Variants in LRRC7 observed in about 807,000 individuals in gnomAD.
LRRC7 encodes the protein leucine rich repeat containing 7.
In LRRC7, 23 loss-of-function variants were observed where a neutral mutation model predicts 175.7. That is an observed-to-expected ratio of 0.13 (90% CI 0.09 to 0.19). The LOEUF (loss-of-function observed/expected upper bound fraction) is 0.19, where lower values mean the gene tolerates loss of function less well. LRRC7 is among the 10% of genes least tolerant of loss of function. The probability of loss-of-function intolerance (pLI) is 1.00; values close to 1 mark genes in which losing one functional copy is unlikely to be tolerated. For synonymous variants in LRRC7, 685 were observed against 680.9 expected (o/e 1.01, Z -0.09); for missense variants, 1,354 against 1,904.7 (o/e 0.71, Z 5.38).
At chr1:69,731,556 C>T (rs1667583204) in intron 2 of LRRC7, among the ~76,000 whole-genome samples, 1 of 152,202 alleles carries the variant, frequency 6.6e-6, no homozygotes, top group African/African-American at 2.4e-5. Context: ...AGGAAATAAA[C>T]TGTTCCTAAC....
chr1:69,642,559 T>C (rs1189012399), intron 1 of LRRC7, among the ~76,000 whole-genome samples: 2 of 152,088 alleles, frequency 1.3e-5, no homozygotes, highest in Non-Finnish European at 2.9e-5. Flanking sequence ...TCTTTTCTTT[T>C]TCTTCTTGTT....
At chr1:69,897,207 A>G (rs1383488057) in intron 7 of LRRC7, among the ~76,000 whole-genome samples, 1 of 152,148 alleles carries the variant, frequency 6.6e-6, no homozygotes, top group African/African-American at 2.4e-5. Flanking sequence ...ACAGAACTCA[A>G]ATTTGATTCC....
intron 25 of LRRC7, among the ~76,000 whole-genome samples, chr1:70,103,533 G>C (rs538220782): frequency 6.6e-6 from 1 of 152,150 alleles, no homozygotes; most frequent in Non-Finnish European, 1.5e-5. Flanking sequence ...ACATAAGGCA[G>C]AGAAATGGAT....
chr1:69,571,822 G>T (rs2100877246), intron 1 of LRRC7, among the ~76,000 whole-genome samples: 1 of 152,164 alleles, frequency 6.6e-6, no homozygotes, highest in Non-Finnish European at 1.5e-5. Flanking sequence ...AATTATTGAT[G>T]AATTATCATC....
At chr1:70,098,816 G>A (rs1313601667) in intron 25 of LRRC7, among the ~76,000 whole-genome samples, 1 of 151,158 alleles carries the variant, frequency 6.6e-6, no homozygotes, top group Non-Finnish European at 1.5e-5. Flanking sequence ...ATCTGAAATT[G>A]TGGCAATAAT....
chr1:69,730,332 G>C (rs1271674787), intron 2 of LRRC7, among the ~76,000 whole-genome samples: 3 of 152,104 alleles, frequency 2.0e-5, no homozygotes, highest in Non-Finnish European at 2.9e-5. Flanking sequence ...GCGTTGTCAG[G>C]CTGCAAATTT....
intron 24 of LRRC7, among the ~76,000 whole-genome samples, chr1:70,081,442 T>C (rs1309082598): frequency 6.6e-6 from 1 of 152,234 alleles, no homozygotes; most frequent in African/African-American, 2.4e-5. Flanking sequence ...TATTCACTGA[T>C]TTAATTTAAT....
intron 3 of LRRC7, among the ~76,000 whole-genome samples, chr1:69,775,848 C>T (rs1672750766): frequency 6.6e-6 from 1 of 151,874 alleles, no homozygotes; most frequent in African/African-American, 2.4e-5. Flanking sequence ...TTTAAGAGAC[C>T]CTGGACTAGA....
At chr1:69,641,932 T>C (rs1250549587) in intron 1 of LRRC7, among the ~76,000 whole-genome samples, 1 of 151,812 alleles carries the variant, frequency 6.6e-6, no homozygotes, top group African/African-American at 2.4e-5. Context: ...GTAAAAAGTT[T>C]TAAGTTGAAT....
chr1:69,908,862 C>T (rs1570604801), intron 7 of LRRC7, among the ~76,000 whole-genome samples: 1 of 150,032 alleles, frequency 6.7e-6, no homozygotes, highest in East Asian at 2.0e-4. Flanking sequence ...CTAATGTTGA[C>T]AGTGGGGTGT....
intron 1 of LRRC7, among the ~76,000 whole-genome samples, chr1:69,664,952 C>A (rs966293026): frequency 6.6e-6 from 1 of 152,064 alleles, no homozygotes; most frequent in African/African-American, 2.4e-5. Flanking sequence ...AGATTTAAGT[C>A]TTTAATCCAT....
chr1:69,884,268 G>GT (rs1336328196), intron 7 of LRRC7, among the ~76,000 whole-genome samples: 3 of 92,512 alleles, frequency 3.2e-5, no homozygotes, highest in Non-Finnish European at 4.5e-5. Flanking sequence ...TCTTCCATTT[G>GT]TTTGTATCTT....
intron 7 of LRRC7, among the ~76,000 whole-genome samples, chr1:69,852,766 C>T (rs796077722): frequency 4.6e-5 from 7 of 152,004 alleles, no homozygotes; most frequent in African/African-American, 1.4e-4. Flanking sequence ...GGTGATGTTT[C>T]CTTATAGGAA....
intron 2 of LRRC7, among the ~76,000 whole-genome samples, chr1:69,702,303 G>A (rs188922094): frequency 6.6e-6 from 1 of 152,140 alleles, no homozygotes; most frequent in Non-Finnish European, 1.5e-5. Context: ...ATCATCAAGT[G>A]CATCAGTTCT....
chr1:69,758,360 G>A lies in LRRC7; in HGVS notation c.101-1831G>A, dbSNP rs184536152. Among the ~76,000 whole-genome samples, 17 of 152,072 alleles carry A rather than the reference G, an allele frequency of 1.1e-4. 1 individual carries two copies. Among genetic ancestry groups the A allele is most frequent in the African/African-American group, 2.4e-4 (10 of 41,522 alleles). On this transcript the variant is annotated intron_variant, in intron 2 of 26. Coordinates refer to ENST00000651989, the MANE Select transcript of LRRC7 (RefSeq NM_001370785.2). Reference sequence around the variant, plus strand: ...TACAGATTACCATGTGCAAACAATCGTCTATAAGTATTTATTCATGAACCT... The same window carrying A: ...TACAGATTACCATGTGCAAACAATCATCTATAAGTATTTATTCATGAACCT...
chr1:69,568,890 C>T (rs1449326502), intron 1 of LRRC7, among the ~76,000 whole-genome samples: 2 of 152,166 alleles, frequency 1.3e-5, no homozygotes, highest in Non-Finnish European at 2.9e-5. Flanking sequence ...GTAGCTTGAG[C>T]TGGCAAGAGA....
intron 8 of LRRC7, among the ~76,000 whole-genome samples, chr1:69,954,314 G>A (rs1433961002): frequency 6.6e-6 from 1 of 151,924 alleles, no homozygotes; most frequent in Non-Finnish European, 1.5e-5. Context: ...TGTGGCAGAG[G>A]AATGAAAGAT....
chr1:69,824,650 T>A (rs1450045119), intron 4 of LRRC7, among the ~76,000 whole-genome samples: 3 of 152,122 alleles, frequency 2.0e-5, no homozygotes, highest in Non-Finnish European at 2.9e-5. Context: ...CTTCAAGGGC[T>A]TTGAAGTCCT....
At chr1:69,780,536 C>A (rs1273374596) in intron 3 of LRRC7, among the ~76,000 whole-genome samples, 2 of 151,884 alleles carry the variant, frequency 1.3e-5, no homozygotes, top group Non-Finnish European at 2.9e-5. Context: ...AGAAAAGAAG[C>A]AGGGAAAGGA....
Sources: gnomAD v4.1 joint callset for allele counts (sites outside exome capture counted in the v4.1 genomes callset) on GRCh38, gnomAD v4.1.1 for gene constraint, MANE v1.5 for transcripts, NCBI Gene and HGNC (gene_info 2026-07-23, HGNC 2026-07-21) for gene names.